MYO5A: variants seen among roughly 807,000 people sequenced by gnomAD.
The protein encoded by MYO5A is unconventional myosin-Va.
In MYO5A, 98 loss-of-function variants were observed where a neutral mutation model predicts 249.7. That is an observed-to-expected ratio of 0.39 (90% confidence interval 0.33 to 0.46). The LOEUF (loss-of-function observed/expected upper bound fraction) is 0.46, where lower values mean the gene tolerates loss of function less well. MYO5A is among the 20% of genes least tolerant of loss of function. The pLI, the probability that MYO5A is intolerant of heterozygous loss-of-function variation, is 0.98. For synonymous variants in MYO5A, 778 were observed against 810.6 expected (o/e 0.96, Z 0.68); for missense variants, 1,696 against 2,308.8 (o/e 0.73, Z 5.44).
rs959398490 is a variant in MYO5A at position 52,513,560 on chromosome 15, G to C, written c.27+15220C>G. On this transcript the variant is annotated intron_variant, in intron 1 of 41. Coordinates refer to ENST00000399233, the MANE Select transcript of MYO5A (RefSeq NM_001382347.1). ...CTGACTCAGCGTCCTGAGTAGCTGG[G>C]ATTATAGGCATGTGCCACCACGTCC... 2.0e-5 allele frequency among the ~76,000 whole-genome samples: 3 copies of C among 151,538 alleles called. No individual in the cohort carries two copies. In the South Asian group the frequency reaches 6.3e-4, roughly 32 times the overall value.
intron 16 of MYO5A, among the ~76,000 whole-genome samples, chr15:52,382,163 A>T (rs1276722752): frequency 6.6e-6 from 1 of 152,172 alleles, no homozygotes; most frequent in African/African-American, 2.4e-5. Context: ...CTGGCCTCCC[A>T]AGTGCTGGGA....
At chr15:52,489,558 G>C (rs1595780108) in intron 1 of MYO5A, among the ~76,000 whole-genome samples, 1 of 138,916 alleles carries the variant, frequency 7.2e-6, no homozygotes, top group African/African-American at 2.8e-5. Flanking sequence ...GCAAGACTTT[G>C]TCTAAAAAAA....
chr15:52,466,647 C>T (rs2076359952), intron 1 of MYO5A, among the ~76,000 whole-genome samples: 1 of 152,156 alleles, frequency 6.6e-6, no homozygotes, highest in African/African-American at 2.4e-5. Context: ...CAGCCCTAAC[C>T]CAGGTATTTT....
chr15:52,521,476 T>C (rs1333999822), intron 1 of MYO5A, among the ~76,000 whole-genome samples: 2 of 152,210 alleles, frequency 1.3e-5, no homozygotes, highest in South Asian at 2.1e-4. Context: ...CCTATCTTTT[T>C]TGTGCATCCA....
At chr15:52,473,609 A>G (rs1290279398) in intron 1 of MYO5A, among the ~76,000 whole-genome samples, 5 of 152,222 alleles carry the variant, frequency 3.3e-5, no homozygotes, top group African/African-American at 4.8e-5. Context: ...AGCTTTCTAC[A>G]TATGGCTACC....
intron 41 of MYO5A, 53 bp downstream of exon 41, chr15:52,314,070 G>C: frequency 2.1e-6 from 3 of 1,443,034 alleles, no homozygotes; most frequent in Non-Finnish European, 2.9e-6. Flanking sequence ...ATTACAAAAT[G>C]TCCATTCAAA....
At chr15:52,418,928 A>G (rs1033723766) in intron 4 of MYO5A, among the ~76,000 whole-genome samples, 4 of 152,228 alleles carry the variant, frequency 2.6e-5, no homozygotes, top group African/African-American at 9.6e-5. Context: ...CCTTTAAAAT[A>G]TGTAATCTCT....
chr15:52,315,065 G>A (rs17613475), intron 40 of MYO5A, among the ~76,000 whole-genome samples: 67,638 of 152,032 alleles, frequency 0.44, 17,759 homozygotes, highest in East Asian at 0.78. Flanking sequence ...TCAGTCTCTC[G>A]GAGGCAAGTA....
intron 9 of MYO5A, among the ~76,000 whole-genome samples, chr15:52,402,418 A>C (rs957869715): frequency 2.0e-5 from 3 of 152,096 alleles, no homozygotes; most frequent in African/African-American, 7.2e-5. Flanking sequence ...TCCCCTGTTT[A>C]TATGGGTCCT....
rs1021117571 is a variant in MYO5A at position 52,313,385 on chromosome 15, G to A, written c.*311C>T. ...TCAGTGCTAAGGATTTAAAATAAAT[G>A]CTGCCAGCTGAAGACACATTTTTCT... is the stretch of plus-strand genomic sequence containing the variant. On this transcript the variant is annotated 3_prime_UTR_variant, in exon 42 of 42. Coordinates refer to ENST00000399233, the MANE Select transcript of MYO5A (RefSeq NM_001382347.1). 4 of 372,820 alleles carry A rather than the reference G, an allele frequency of 1.1e-5. No individual in the cohort carries two copies. The highest frequency in any genetic ancestry group is 8.8e-4 in the Middle Eastern group (1 of 1,140). The allele number at this position is 372,820 out of a possible 1,614,324, so 23.1% of individuals were successfully genotyped here. A position where few individuals can be genotyped will look rare whatever the true frequency, so the allele number is the denominator to read the frequency against.
At chr15:52,444,494 G>A (rs1321973393) in intron 1 of MYO5A, among the ~76,000 whole-genome samples, 2 of 152,134 alleles carry the variant, frequency 1.3e-5, no homozygotes, top group African/African-American at 4.8e-5. Flanking sequence ...ACACTTGAGA[G>A]AAGTTAGATA....
intron 1 of MYO5A, among the ~76,000 whole-genome samples, chr15:52,466,657 T>C (rs192826308): frequency 6.6e-6 from 1 of 152,290 alleles, no homozygotes; most frequent in Admixed American, 6.5e-5. Context: ...CCAGGTATTT[T>C]ACCAGAGGCC....
intron 1 of MYO5A, among the ~76,000 whole-genome samples, chr15:52,499,008 A>T (rs746518455): frequency 9.2e-5 from 14 of 152,216 alleles, no homozygotes; most frequent in Non-Finnish European, 1.5e-4. Flanking sequence ...ATTTTTAAAA[A>T]CTAGAGCTAC....
At chr15:52,400,813 C>T (rs1325588590) in intron 9 of MYO5A, among the ~76,000 whole-genome samples, 1 of 152,174 alleles carries the variant, frequency 6.6e-6, no homozygotes, top group Admixed American at 6.5e-5. Flanking sequence ...GGTTTCTTGA[C>T]TGTAATGATA....
intron 1 of MYO5A, among the ~76,000 whole-genome samples, chr15:52,527,393 C>G (rs755220850): frequency 6.6e-6 from 1 of 152,090 alleles, no homozygotes; most frequent in Non-Finnish European, 1.5e-5. Flanking sequence ...ATCTACAATG[C>G]CTAAAGAAAT....
intron 1 of MYO5A, among the ~76,000 whole-genome samples, chr15:52,517,289 A>C (rs2077514938): frequency 6.6e-6 from 1 of 152,258 alleles, no homozygotes; most frequent in Non-Finnish European, 1.5e-5. Context: ...ACTTATGAAC[A>C]AAGATGCTCA....
rs183881642 is a variant in MYO5A at position 52,370,943 on chromosome 15, C to G, written c.2818-526G>C. ...GCCTGGGCACATAATGAGACCCCGTCTTTACAAAAAAATTTAAAAATTAGC... is the reference window on the plus strand; with the variant it reads ...GCCTGGGCACATAATGAGACCCCGTGTTTACAAAAAAATTTAAAAATTAGC... On this transcript the variant is annotated intron_variant, in intron 21 of 41. Transcript: ENST00000399233. 1.4e-4 allele frequency among the ~76,000 whole-genome samples: 21 copies of G among 146,788 alleles called. No individual in the cohort carries two copies. The East Asian group carries it at 3.9e-3, about 27-fold the overall frequency.
intron 1 of MYO5A, among the ~76,000 whole-genome samples, chr15:52,513,803 A>G (rs2077444705): frequency 1.3e-5 from 2 of 152,202 alleles, no homozygotes; most frequent in African/African-American, 4.8e-5. Context: ...AGGGGTGTTG[A>G]GCTAGAGAGT....
At chr15:52,353,500 G>T in intron 27 of MYO5A, 105 bp downstream of exon 27, 1 of 939,356 alleles carries the variant, frequency 1.1e-6, no homozygotes, top group Non-Finnish European at 1.8e-6. Flanking sequence ...GACCTCTGGT[G>T]CAATCTCCAA....
Sources: allele counts gnomAD v4.1 joint callset (sites outside exome capture counted in the v4.1 genomes callset), GRCh38; gene constraint gnomAD v4.1.1; transcripts MANE v1.5; gene names NCBI Gene and HGNC (gene_info 2026-07-23, HGNC 2026-07-21).